ABCB6: variants seen among roughly 807,000 people sequenced by gnomAD.
ABCB6 encodes ATP-binding cassette sub-family B member 6.
In ABCB6, 87 loss-of-function variants were observed where a neutral mutation model predicts 99.4. The ratio of observed to expected loss-of-function variants is 0.88; its 90% CI spans 0.74 to 1.05. The LOEUF (loss-of-function observed/expected upper bound fraction) is 1.05, where lower values mean the gene tolerates loss of function less well. Among genes scored for constraint, ABCB6 ranks in the 50% least tolerant of loss-of-function variants. The pLI is 0.00. For missense variants in ABCB6, 1,050 were observed against 1,097.9 expected, an observed-to-expected ratio of 0.96 and a Z score of 0.62; for synonymous variants, 482 against 447.5, an observed-to-expected ratio of 1.08 and a Z score of -0.97.
intron 6 of ABCB6, 164 bp from the exon 7 acceptor site, chr2:219,214,662 G>A (rs967326180): frequency 1.9e-5 from 12 of 646,540 alleles, no homozygotes; most frequent in African/African-American, 1.5e-4. Flanking sequence ...AGTCTCATGT[G>A]TAGAAAACGC....
chr2:219,210,571 C>G lies in ABCB6; in HGVS notation c.2257-96G>C, dbSNP rs997493688. 2.7e-5 allele frequency: 43 copies of G among 1,586,422 alleles called. No individual in the cohort carries two copies. The South Asian group carries it at 4.5e-4, about 17-fold the overall frequency. On this transcript the variant is annotated intron_variant, in intron 16 of 18. Coordinates refer to ENST00000265316, the MANE Select transcript of ABCB6 (RefSeq NM_005689.4). ...CTGAGGCCTCAAGAATACACAAGAG[C>G]CTTGTTTGGGCTTGAGAACTGGAAA...
At position 219,216,764 on chromosome 2, in the gene ABCB6, G is replaced by C. The variant is rs774781675; in HGVS notation, c.756C>G (p.Tyr252Ter). Residue 252 changes from tyrosine to a stop codon, truncating the protein, a stop_gained, in exon 3 of 19, where the codon TAC becomes TAG. Coordinates refer to ENST00000265316, the MANE Select transcript of ABCB6 (RefSeq NM_005689.4). LOFTEE classifies it high-confidence loss of function. The surrounding 1 kb of genome is among the most constrained non-coding windows in gnomAD (Gnocchi z 4.2). ...FGRKLRLLSGYLWPRGSPALQ... is the reference protein window; with the variant it reads ...FGRKLRLLSG ...GAGCTGGACTCCCTCGAGGCCACAG[G>C]TAGCCACTCAGGAGGCGGAGCTTCC... The C allele has an allele frequency of 6.2e-7, 1 of 1,611,524 alleles. No individual in the cohort carries two copies. Among genetic ancestry groups the C allele is most frequent in the Non-Finnish European group, 8.5e-7 (1 of 1,179,310 alleles).
intron 14 of ABCB6, among the ~76,000 whole-genome samples, chr2:219,211,638 T>G (rs201167160): frequency 0.034 from 5,067 of 149,066 alleles, 160 homozygotes; most frequent in East Asian, 0.11. Flanking sequence ...TTTTTTTTTT[T>G]TTTGTTTTGC....
chr2:219,215,392 C>A (rs1240889175), intron 5 of ABCB6: 4 of 315,602 alleles, frequency 1.3e-5, no homozygotes, highest in Middle Eastern at 1.0e-3. Context: ...AAAACCTCCA[C>A]AATGCCATAT....
At chr2:219,212,877 G>A in intron 13 of ABCB6, 131 bp downstream of exon 13, 2 of 1,050,346 alleles carry the variant, frequency 1.9e-6, no homozygotes, top group Non-Finnish European at 2.9e-6. Context: ...GTCCATGGAG[G>A]CTGCACCATT....
Position 219,211,185 on chromosome 2 carries a change from C to T in ABCB6, c.1969-77G>A, listed in dbSNP as rs113005103. ...GGAGGCAGGGTGGGCTGGCCGGAAG[C>T]ACGTGGGATAAGAGGCTGTGGTAAT... On this transcript the variant is annotated intron_variant, in intron 14 of 18. Transcript: ENST00000265316. 466 of 1,524,608 alleles carry T rather than the reference C, an allele frequency of 3.1e-4. 1 individual carries two copies. The African/African-American group carries it at 4.8e-3, about 16-fold the overall frequency. 94.4% of individuals were successfully genotyped at this position (1,524,608 alleles called of 1,614,324 possible). A position where few individuals can be genotyped will look rare whatever the true frequency, so the allele number is the denominator to read the frequency against.
In ABCB6 at chr2:219,210,740, T is replaced by C. The variant is rs1260330225; in HGVS notation, c.2227A>G (p.Lys743Glu). The change falls in exon 16 of 19, where the codon AAG (lysine) becomes GAG (glutamate). Residue 743 changes from lysine (K) to glutamate (E), a missense_variant. Coordinates refer to ENST00000265316, the MANE Select transcript of ABCB6 (RefSeq NM_005689.4). The part of the protein sequence containing the change: ...QRVAIARTIL[K>E]APGIILLDEA... ...TCCAGCAGAATGATGCCCGGAGCCT[T>C]GAGGATGGTGCGGGCAATGGCGACG... 4 of 1,613,522 alleles carry C rather than the reference T, an allele frequency of 2.5e-6. No homozygotes were observed. Among genetic ancestry groups the C allele is most frequent in the African/African-American group, 2.7e-5 (2 of 74,872 alleles).
At position 219,218,423 on chromosome 2, in the gene ABCB6, G is replaced by A. The variant is rs1303783049; in HGVS notation, c.251C>T (p.Ala84Val). ...VLQLLLATLQ[A>V]ALPLAGLAGR... is the part of the protein sequence containing the mutation. ...AGCCAGGCCGGCCAGGGGCAGCGCC[G>A]CCTGAAGTGTGGCCAGAAGCAGCTG... Residue 84 changes from alanine (A) to valine (V), a missense_variant, in exon 1 of 19, where the codon GCG becomes GTG. By Grantham distance (64) the Ala-to-Val change is moderately conservative (BLOSUM62 0). Coordinates refer to ENST00000265316, the MANE Select transcript of ABCB6 (RefSeq NM_005689.4). The A allele has an allele frequency of 4.2e-5, 67 of 1,610,710 alleles. 1 individual carries two copies. Among genetic ancestry groups the A allele is most frequent in the Non-Finnish European group, 5.5e-5 (65 of 1,178,858 alleles).
In ABCB6 at chr2:219,216,106, T is replaced by C; in HGVS notation, c.1045A>G (p.Ile349Val). 1 of 1,581,600 alleles carries C rather than the reference T, an allele frequency of 6.3e-7. No homozygotes were observed. Among genetic ancestry groups the C allele is most frequent in the Non-Finnish European group, 8.6e-7 (1 of 1,164,468 alleles). Residue 349 changes from isoleucine (I) to valine (V), a missense_variant, in exon 5 of 19, where the codon ATC becomes GTC. Transcript: ENST00000265316. This position sits in a 1 kb window ranked among gnomAD's most constrained non-coding sequence, Gnocchi z 4.2. The part of the protein sequence containing the change: ...QFTSRRVELL[I>V]FSHLHELSLR... ...GAGAGCTCGTGCAGGTGGGAGAAGATGAGCAGCTCCACCCGCCGAGACGTG... is the reference window on the plus strand; with the variant it reads ...GAGAGCTCGTGCAGGTGGGAGAAGACGAGCAGCTCCACCCGCCGAGACGTG...
rs970082398 is a variant in ABCB6 at position 219,210,920 on chromosome 2, A to C, written c.2143+14T>G. On this transcript the variant is annotated intron_variant, in intron 15 of 18. Transcript: ENST00000265316. Reference sequence around the variant, plus strand: ...CCAGGAGGGGAGGGGACTCTCTGCAAAGGAATCTCTCACCTTCAGGGAAAG... The same window carrying C: ...CCAGGAGGGGAGGGGACTCTCTGCACAGGAATCTCTCACCTTCAGGGAAAG... 2 of 1,614,020 alleles carry C rather than the reference A, an allele frequency of 1.2e-6. No individual in the cohort carries two copies. Among genetic ancestry groups the C allele is most frequent in the Middle Eastern group, 1.6e-4 (1 of 6,062 alleles).
rs1425341026 is a variant in ABCB6 at position 219,216,008 on chromosome 2, T to A, written c.1143A>T (p.Thr381=). Reference sequence around the variant, plus strand: ...CACTGGGGCGGCACCTGAGCAGCCCTGTGACACTGGATGTGCCCCGATCCG... The same window carrying A: ...CACTGGGGCGGCACCTGAGCAGCCCAGTGACACTGGATGTGCCCCGATCCG... ...RIADRGTSSV[T]GLLSYLVFNV... The change falls in exon 5 of 19, where the codon ACA becomes ACT. Residue 381 remains threonine, a synonymous_variant. Coordinates refer to ENST00000265316, the MANE Select transcript of ABCB6 (RefSeq NM_005689.4). The surrounding 1 kb of genome is among the most constrained non-coding windows in gnomAD (Gnocchi z 4.2). 1 of 1,583,736 alleles carries A rather than the reference T, an allele frequency of 6.3e-7. No individual in the cohort carries two copies. Among genetic ancestry groups the A allele is most frequent in the Non-Finnish European group, 8.6e-7 (1 of 1,160,736 alleles).
rs1950673820 is a variant in ABCB6 at position 219,218,347 on chromosome 2, CAGA to C, written c.324_326del (p.Leu109del). ...CGGCCAGACTCTCCAGCACGGAGGC[CAGA>C]AGTAGATAGCTTGGCAGTGGGGCCC... is the stretch of plus-strand genomic sequence containing the variant. On this transcript the variant is annotated inframe_deletion, in exon 1 of 19. Coordinates refer to ENST00000265316, the MANE Select transcript of ABCB6 (RefSeq NM_005689.4). 1 of 1,613,158 alleles carries C rather than the reference CAGA, an allele frequency of 6.2e-7. No homozygotes were observed. Among genetic ancestry groups the C allele is most frequent in the Non-Finnish European group, 8.5e-7 (1 of 1,180,024 alleles).
At position 219,210,058 on chromosome 2, in the gene ABCB6, A is replaced by T. The variant is rs755359852; in HGVS notation, c.2421-12T>A. ...ACAGAGCCTCGTGTCTGGGGTGAGG[A>T]GAAAAGTGTGAGTCCTAACCATTAG... On this transcript the variant is annotated splice_polypyrimidine_tract_variant and intron_variant, in intron 18 of 18. Coordinates refer to ENST00000265316, the MANE Select transcript of ABCB6 (RefSeq NM_005689.4). 1 of 1,613,160 alleles carries T rather than the reference A, an allele frequency of 6.2e-7. No homozygotes were observed. Among genetic ancestry groups the T allele is most frequent in the Non-Finnish European group, 8.5e-7 (1 of 1,179,242 alleles).
chr2:219,216,097 G>A lies in ABCB6; in HGVS notation c.1054C>T (p.His352Tyr). Residue 352 changes from histidine (H) to tyrosine (Y), a missense_variant, in exon 5 of 19, where the codon CAC (histidine) becomes TAC (tyrosine). Physicochemically the swap from His to Tyr is moderately conservative, Grantham distance 83 (BLOSUM62 2). Transcript: ENST00000265316. This position sits in a 1 kb window ranked among gnomAD's most constrained non-coding sequence, Gnocchi z 4.2. ...CAGCGCAGTGAGAGCTCGTGCAGGT[G>A]GGAGAAGATGAGCAGCTCCACCCGC... ...SRRVELLIFS[H>Y]LHELSLRWHL... is the part of the protein sequence containing the mutation. 1 of 1,586,806 alleles carries A rather than the reference G, an allele frequency of 6.3e-7. No homozygotes were observed. Among genetic ancestry groups the A allele is most frequent in the South Asian group, 1.1e-5 (1 of 87,468 alleles).
Position 219,216,193 on chromosome 2 carries a change from G to A in ABCB6, c.971-13C>T, listed in dbSNP as rs750870274. 8.9e-6 allele frequency: 14 copies of A among 1,578,132 alleles called. No homozygotes were observed. In the African/African-American group the frequency reaches 1.1e-4, roughly 12 times the overall value. On this transcript the variant is annotated splice_polypyrimidine_tract_variant and intron_variant, in intron 4 of 18. Transcript: ENST00000265316. The surrounding 1 kb of genome is among the most constrained non-coding windows in gnomAD (Gnocchi z 4.2). ...TTGCTCACGAAGCCTGCAGGGAGCC[G>A]GGGGACGCCTCAGTAGGGCCTGGGA...
Position 219,214,559 on chromosome 2 carries a change from G to A in ABCB6, c.1277-61C>T, listed in dbSNP as rs1242012810. The A allele has an allele frequency of 1.7e-5, 21 of 1,251,564 alleles. No homozygotes were observed. The East Asian group carries it at 4.9e-4, about 29-fold the overall frequency. The allele number at this position is 1,251,564 out of a possible 1,614,324, so 77.5% of individuals were successfully genotyped here. The stretch of plus-strand genomic sequence containing the variant: ...TCATCCCCAAAAGCAGAGACCAAAT[G>A]TCAATGTCCACTACCTGCCATGTAC... On this transcript the variant is annotated intron_variant, in intron 6 of 18. Transcript: ENST00000265316.
chr2:219,213,149 C>T (rs1343072157), intron 12 of ABCB6, 84 bp from the exon 13 acceptor site: 1 of 1,605,226 alleles, frequency 6.2e-7, no homozygotes, highest in East Asian at 2.2e-5. Context: ...TGCCCAGGCT[C>T]TTTTCCAAAA....
rs151051476 is a variant in ABCB6 at position 219,210,449 on chromosome 2, A to G, written c.2283T>C (p.Asn761=). ...CCAGAGAAGCCTGGATGGCCCTCTC[A>G]TTAGATGTATCCAGCGCTGACGTTG... is the stretch of plus-strand genomic sequence containing the variant. The part of the protein sequence containing the change: ...DEATSALDTS[N]ERAIQASLAK... The change falls in exon 17 of 19, where the codon AAT becomes AAC. Residue 761 remains asparagine, a synonymous_variant. Transcript: ENST00000265316. 2.0e-5 allele frequency: 32 copies of G among 1,614,082 alleles called. No homozygotes were observed. In the African/African-American group the frequency reaches 3.9e-4, roughly 20 times the overall value.
chr2:219,214,655 C>A, intron 6 of ABCB6, 157 bp from the exon 7 acceptor site: 1 of 654,550 alleles, frequency 1.5e-6, no homozygotes, highest in South Asian at 1.9e-5. Flanking sequence ...TGCACAAAGT[C>A]TCATGTGTAG....
Sources: allele counts gnomAD v4.1 joint callset (sites outside exome capture counted in the v4.1 genomes callset), GRCh38; gene constraint gnomAD v4.1.1; non-coding constraint Gnocchi (gnomAD v3.1); transcripts MANE v1.5; gene names NCBI Gene and HGNC (gene_info 2026-07-23, HGNC 2026-07-21).